The following MME variants were observed in gnomAD, a reference collection of about 807,000 sequenced individuals.
The protein encoded by MME is membrane metalloendopeptidase.
Under a neutral mutation model 113.2 loss-of-function variants are expected in MME, and 98 were observed. The observed-to-expected ratio is 0.87, with a 90% confidence interval of 0.74 to 1.02. The LOEUF (loss-of-function observed/expected upper bound fraction) is 1.02, where lower values mean the gene tolerates loss of function less well. Ranked by LOEUF, MME falls within the 50% of genes least tolerant of loss-of-function variation. MME has a pLI of 0.00. For missense variants in MME, 836 were observed against 896.0 expected, an observed-to-expected ratio of 0.93 and a Z score of 0.86; for synonymous variants, 292 against 300.6, an observed-to-expected ratio of 0.97 and a Z score of 0.30.
intron 1 of MME, among the ~76,000 whole-genome samples, chr3:155,058,876 G>A (rs927548340): frequency 1.3e-5 from 2 of 152,086 alleles, no homozygotes; most frequent in Non-Finnish European, 2.9e-5. Context: ...TCTCACACAA[G>A]GCACAGGTTC....
At chr3:155,154,413 T>C (rs989589773) in intron 16 of MME, among the ~76,000 whole-genome samples, 8 of 152,178 alleles carry the variant, frequency 5.3e-5, no homozygotes, top group Non-Finnish European at 1.0e-4. Flanking sequence ...AGTTCTGCCA[T>C]TCACAACCTG....
intron 8 of MME, among the ~76,000 whole-genome samples, chr3:155,124,563 G>A (rs1351492380): frequency 6.6e-6 from 1 of 152,080 alleles, no homozygotes; most frequent in Non-Finnish European, 1.5e-5. Context: ...TCTACTTTTG[G>A]TCTTTGATGA....
chr3:155,037,734 T>C (rs1713172092), intron 1 of MME, among the ~76,000 whole-genome samples: 1 of 152,190 alleles, frequency 6.6e-6, no homozygotes, highest in South Asian at 2.1e-4. Context: ...TAATAAACTA[T>C]GCCAAATGCT....
intron 16 of MME, among the ~76,000 whole-genome samples, chr3:155,149,305 A>G (rs1228365027): frequency 6.6e-6 from 1 of 152,148 alleles, no homozygotes; most frequent in Non-Finnish European, 1.5e-5. Flanking sequence ...ACTTATGTTG[A>G]CTTTTTCTCC....
At chr3:155,098,234 G>C (rs1716900407) in intron 3 of MME, among the ~76,000 whole-genome samples, 1 of 152,088 alleles carries the variant, frequency 6.6e-6, no homozygotes, top group South Asian at 2.1e-4. Flanking sequence ...ACACTGGACA[G>C]AAGATATAAA....
At chr3:155,162,112 C>A (rs1005026739) in intron 17 of MME, among the ~76,000 whole-genome samples, 3 of 152,158 alleles carry the variant, frequency 2.0e-5, no homozygotes, top group Non-Finnish European at 4.4e-5. Flanking sequence ...AGGGATGCAG[C>A]TTCATTTCAG....
upstream of MME, among the ~76,000 whole-genome samples, chr3:155,078,045 T>TACAC (rs34585642): frequency 0.019 from 2,681 of 139,804 alleles, 27 homozygotes; most frequent in African/African-American, 0.033. Context: ...AAAGTAAAAG[T>TACAC]ACACACACAC....
At chr3:155,037,435 G>C (rs964837179) in intron 1 of MME, among the ~76,000 whole-genome samples, 32 of 152,088 alleles carry the variant, frequency 2.1e-4, no homozygotes, top group South Asian at 6.2e-4. Context: ...AAATGGTGGG[G>C]GCAAGATTCA....
chr3:155,081,122 G>C (rs1219515481), intron 1 of MME: 1 of 152,180 alleles, frequency 6.6e-6, no homozygotes, highest in Non-Finnish European at 1.5e-5. Flanking sequence ...TTTAAATATG[G>C]AAACTGTTTC....
At chr3:155,107,477 C>A (rs139994439) in intron 3 of MME, among the ~76,000 whole-genome samples, 126 of 151,988 alleles carry the variant, frequency 8.3e-4, no homozygotes, top group African/African-American at 2.8e-3. Flanking sequence ...TTTATAGTGA[C>A]CAAGAGTTTT....
At chr3:155,024,466 C>T (rs1386744388) in intron 1 of MME, 3 of 152,184 alleles carry the variant, frequency 2.0e-5, no homozygotes, top group Non-Finnish European at 4.4e-5. Flanking sequence ...CATGCCCCAA[C>T]TTGATGCTTA....
intron 3 of MME, among the ~76,000 whole-genome samples, chr3:155,094,536 AT>A (rs1716564808): frequency 6.6e-6 from 1 of 152,226 alleles, no homozygotes; most frequent in Non-Finnish European, 1.5e-5. Flanking sequence ...CGAACAGTGT[AT>A]TTTTAAAGAG....
intron 7 of MME, among the ~76,000 whole-genome samples, chr3:155,117,933 C>A (rs10513469): frequency 0.37 from 56,234 of 151,944 alleles, 10,981 homozygotes; most frequent in South Asian, 0.56. Context: ...CTCTTTAACC[C>A]AGAAATGCTC....
At chr3:155,098,285 G>GTGGC (rs1239728178) in intron 3 of MME, among the ~76,000 whole-genome samples, 13 of 152,172 alleles carry the variant, frequency 8.5e-5, no homozygotes, top group Admixed American at 7.9e-4. Flanking sequence ...GCTGGGCGCA[G>GTGGC]TGGCTCACGG....
Position 155,051,578 on chromosome 3 carries a change from T to C in MME, c.-11+27254T>C, listed in dbSNP as rs142905623. Among the ~76,000 whole-genome samples the C allele has an allele frequency of 3.3e-5, 5 of 152,220 alleles. No individual in the cohort carries two copies. In the East Asian group the frequency reaches 9.7e-4, roughly 29 times the overall value. On this transcript the variant is annotated intron_variant, in intron 1 of 22. Transcript: ENST00000492661. Reference sequence around the variant, plus strand: ...AGTGCCAAGCAAAGGGGACGCTCCTTATAAAACCATCAGATCTCATTAGAA... The same window carrying C: ...AGTGCCAAGCAAAGGGGACGCTCCTCATAAAACCATCAGATCTCATTAGAA...
intron 1 of MME, among the ~76,000 whole-genome samples, chr3:155,072,153 G>A (rs1714588944): frequency 7.6e-6 from 1 of 130,776 alleles, no homozygotes; most frequent in East Asian, 2.2e-4. Flanking sequence ...GGGCGACAGA[G>A]CGAGACTCCG....
chr3:155,076,024 C>G (rs1714736834), upstream of MME, among the ~76,000 whole-genome samples: 1 of 152,114 alleles, frequency 6.6e-6, no homozygotes, highest in African/African-American at 2.4e-5. Flanking sequence ...ATTTTGCTTC[C>G]TAAATTCATT....
At chr3:155,024,204 T>C (rs1712695822) in exon 1 of MME, 1 of 152,230 alleles carries the variant, frequency 6.6e-6, no homozygotes, top group Non-Finnish European at 1.5e-5. Context: ...TCACCAGGAA[T>C]TGGTGCCTAC....
chr3:155,091,963 C>G (rs1716335248), intron 3 of MME, among the ~76,000 whole-genome samples: 1 of 152,016 alleles, frequency 6.6e-6, no homozygotes, highest in South Asian at 2.1e-4. Context: ...AGAACAGAAC[C>G]AATGGTATAT....
Sources: allele counts gnomAD v4.1 joint callset (sites outside exome capture counted in the v4.1 genomes callset), GRCh38; gene constraint gnomAD v4.1.1; transcripts MANE v1.5; gene names NCBI Gene and HGNC (gene_info 2026-07-23, HGNC 2026-07-21).